NEBL: variants seen among roughly 807,000 people sequenced by gnomAD.
NEBL encodes nebulette.
In NEBL, 122 loss-of-function variants were observed where a neutral mutation model predicts 140.2. The observed-to-expected ratio is 0.87, with a 90% confidence interval of 0.75 to 1.01. The LOEUF (loss-of-function observed/expected upper bound fraction) is 1.01. Ranked by LOEUF, NEBL falls within the 50% of genes least tolerant of loss-of-function variation. NEBL has a pLI of 0.00. For synonymous variants in NEBL, 436 were observed against 398.9 expected (o/e 1.09, Z -1.11); for missense variants, 1,365 against 1,231.3 (o/e 1.11, Z -1.62).
intron 23 of NEBL, 85 bp from the exon 24 acceptor site, chr10:20,813,025 C>A (rs576205758): frequency 1.8e-6 from 2 of 1,138,014 alleles, no homozygotes; most frequent in Non-Finnish European, 2.6e-6. Context: ...GTGTACACTG[C>A]ACTGGCTGCG....
chr10:20,815,237 C>A (rs1011195986), intron 22 of NEBL, among the ~76,000 whole-genome samples: 1 of 152,200 alleles, frequency 6.6e-6, no homozygotes, highest in African/African-American at 2.4e-5. Flanking sequence ...GATCCATCTC[C>A]TATTTTGTTT....
chr10:21,027,492 T>A (rs1308910222), intron 2 of NEBL, among the ~76,000 whole-genome samples: 1 of 151,592 alleles, frequency 6.6e-6, no homozygotes, highest in Non-Finnish European at 1.5e-5. Flanking sequence ...CATGTCAGGC[T>A]AATTTTTGTA....
At chr10:20,894,976 A>G (rs77170454) in intron 2 of NEBL, among the ~76,000 whole-genome samples, 2,275 of 151,786 alleles carry the variant, frequency 0.015, 28 homozygotes, top group Non-Finnish European at 0.021. Context: ...CATGTCCTAA[A>G]TTTAAGTAGT....
chr10:21,011,232 G>A (rs1409800381), intron 3 of NEBL, among the ~76,000 whole-genome samples: 1 of 152,092 alleles, frequency 6.6e-6, no homozygotes, highest in East Asian at 1.9e-4. Context: ...CAGATCGCTG[G>A]GTGGCTGGTC....
intron 2 of NEBL, among the ~76,000 whole-genome samples, chr10:21,152,471 A>G (rs1228155887): frequency 6.6e-6 from 1 of 152,126 alleles, no homozygotes; most frequent in African/African-American, 2.4e-5. Context: ...AATCCGCAGG[A>G]CACTGAAGTG....
intron 1 of NEBL, among the ~76,000 whole-genome samples, chr10:21,290,006 C>A (rs1327038121): frequency 2.6e-5 from 4 of 152,318 alleles, no homozygotes; most frequent in African/African-American, 9.6e-5. Flanking sequence ...CTAGACTTAC[C>A]TTTTTCTAAC....
intron 2 of NEBL, among the ~76,000 whole-genome samples, chr10:21,072,373 G>A (rs1353682310): frequency 2.6e-5 from 4 of 152,116 alleles, no homozygotes; most frequent in African/African-American, 4.8e-5. Flanking sequence ...TACATCTCCC[G>A]AGACTCTTAC....
chr10:20,986,741 C>G (rs1837271895), intron 3 of NEBL, among the ~76,000 whole-genome samples: 1 of 152,130 alleles, frequency 6.6e-6, no homozygotes, highest in Non-Finnish European at 1.5e-5. Context: ...CTTGTTTTCT[C>G]TTGAGTATGA....
chr10:20,860,620 T>C (rs917102145), intron 7 of NEBL, among the ~76,000 whole-genome samples: 3 of 146,520 alleles, frequency 2.0e-5, no homozygotes, highest in African/African-American at 7.4e-5. Flanking sequence ...CCCCTTTAAC[T>C]TACTGTAGCC....
chr10:21,036,393 GC>G (rs765985913), intron 2 of NEBL, among the ~76,000 whole-genome samples: 215 of 152,188 alleles, frequency 1.4e-3, no homozygotes, highest in Non-Finnish European at 2.0e-3. Flanking sequence ...GGTCGAGCCT[GC>G]AGTGAGCCAT....
intron 2 of NEBL, among the ~76,000 whole-genome samples, chr10:21,053,409 A>C (rs369009994): frequency 6.1e-4 from 93 of 152,304 alleles, no homozygotes; most frequent in African/African-American, 2.1e-3. Context: ...GTCTGAAAGG[A>C]AACAGGCAAG....
intron 2 of NEBL, among the ~76,000 whole-genome samples, chr10:21,083,130 CT>C: frequency 6.6e-6 from 1 of 152,202 alleles, no homozygotes; most frequent in Non-Finnish European, 1.5e-5. Flanking sequence ...AACATTTACA[CT>C]TACCAGATGC....
intron 2 of NEBL, among the ~76,000 whole-genome samples, chr10:21,034,167 GAAAAA>G (rs964552949): frequency 6.0e-5 from 2 of 33,506 alleles, no homozygotes; most frequent in African/African-American, 8.2e-5. Context: ...ACCCTATCTC[GAAAAA>G]AAAAAAAAAA....
rs932631027 is a variant in NEBL, at chr10:21,263,102, A to G, written n.183-11274T>C. ...GACAGTAATAATAATAAGAGAAATA[A>G]TCACAATGGCAACAGCGATTGAACA... On this transcript the variant is annotated intron_variant and non_coding_transcript_variant, in intron 1 of 8. Coordinates refer to the NEBL transcript ENST00000675702. Among the ~76,000 whole-genome samples, 12 of 152,184 alleles carry G rather than the reference A, an allele frequency of 7.9e-5. 1 individual carries two copies. Among genetic ancestry groups the G allele is most frequent in the South Asian group, 4.1e-4 (2 of 4,828 alleles).
intron 19 of NEBL, among the ~76,000 whole-genome samples, chr10:20,820,790 A>T (rs1839231379): frequency 6.6e-6 from 1 of 152,140 alleles, no homozygotes; most frequent in Admixed American, 6.5e-5. Context: ...ACGCCACTGC[A>T]CTCCAGCCTG....
intron 18 of NEBL, among the ~76,000 whole-genome samples, chr10:20,825,099 A>T (rs887447864): frequency 6.6e-6 from 1 of 152,138 alleles, no homozygotes; most frequent in Non-Finnish European, 1.5e-5. Flanking sequence ...TATTGCACTC[A>T]TATTCTGTAG....
At chr10:21,128,407 AC>A (rs972087830) in intron 2 of NEBL, among the ~76,000 whole-genome samples, 38 of 152,066 alleles carry the variant, frequency 2.5e-4, no homozygotes, top group Admixed American at 1.2e-3. Context: ...TCACACACAC[AC>A]CCCCAAGAGC....
At chr10:21,282,338 G>A (rs766607805) in intron 1 of NEBL, among the ~76,000 whole-genome samples, 11 of 152,108 alleles carry the variant, frequency 7.2e-5, no homozygotes, top group East Asian at 1.9e-4. Flanking sequence ...AAGAGGCTCC[G>A]TAGGGAGCAC....
intron 4 of NEBL, among the ~76,000 whole-genome samples, chr10:20,911,479 G>A (rs1195788299): frequency 6.6e-6 from 1 of 152,136 alleles, no homozygotes; most frequent in Non-Finnish European, 1.5e-5. Flanking sequence ...AACCAGGTAT[G>A]CCTGAATGGC....
Sources: gnomAD v4.1 joint callset for allele counts (sites outside exome capture counted in the v4.1 genomes callset) on GRCh38, gnomAD v4.1.1 for gene constraint, MANE v1.5 for transcripts, NCBI Gene and HGNC (gene_info 2026-07-23, HGNC 2026-07-21) for gene names.